The following ZNF804A variants were observed in gnomAD, a reference collection of about 807,000 sequenced individuals.
ZNF804A encodes zinc finger protein 804A.
Under a neutral mutation model 16.5 loss-of-function variants are expected in ZNF804A, and 2 were observed. The observed-to-expected ratio is 0.12, with a 90% confidence interval of 0.05 to 0.38. ZNF804A has a LOEUF of 0.38. Ranked by LOEUF, ZNF804A falls within the 10% of genes least tolerant of loss-of-function variation. The probability of loss-of-function intolerance (pLI) is 0.99; values close to 1 mark genes in which losing one functional copy is unlikely to be tolerated. For missense variants in ZNF804A, 1,473 were observed against 1,390.7 expected, an observed-to-expected ratio of 1.06 and a Z score of -0.94; for synonymous variants, 534 against 489.6, an observed-to-expected ratio of 1.09 and a Z score of -1.20.
intron 1 of ZNF804A, among the ~76,000 whole-genome samples, chr2:184,726,952 A>G (rs531831014): frequency 6.6e-6 from 1 of 151,748 alleles, no homozygotes; most frequent in African/African-American, 2.4e-5. Context: ...AGTAAAATTT[A>G]GAAGTTGAAT....
intron 1 of ZNF804A, among the ~76,000 whole-genome samples, chr2:184,713,372 A>G (rs1378434235): frequency 6.6e-6 from 1 of 151,918 alleles, no homozygotes; most frequent in African/African-American, 2.4e-5. Flanking sequence ...AGCTAAATTG[A>G]ATTTCATTTT....
chr2:184,897,469 AT>A (rs1026271480), intron 2 of ZNF804A, among the ~76,000 whole-genome samples: 1 of 139,398 alleles, frequency 7.2e-6, no homozygotes, highest in Admixed American at 7.3e-5. Flanking sequence ...TCCATACAGC[AT>A]TTTTTTTCCT....
chr2:184,678,719 G>C (rs1028419686), intron 1 of ZNF804A, among the ~76,000 whole-genome samples: 7 of 152,108 alleles, frequency 4.6e-5, no homozygotes, highest in African/African-American at 1.7e-4. Context: ...TAAATGTGTT[G>C]TCAAGAAAAA....
intron 1 of ZNF804A, among the ~76,000 whole-genome samples, chr2:184,837,559 G>A (rs1016223012): frequency 1.2e-4 from 18 of 151,930 alleles, no homozygotes; most frequent in African/African-American, 3.9e-4. Context: ...AGGCATAATT[G>A]CAGCAGTGAT....
At chr2:184,785,934 G>A (rs1048028757) in intron 1 of ZNF804A, among the ~76,000 whole-genome samples, 4 of 152,018 alleles carry the variant, frequency 2.6e-5, no homozygotes, top group Non-Finnish European at 4.4e-5. Flanking sequence ...GATGCAGCCA[G>A]CAGAATCTGG....
rs147937632 is a variant in ZNF804A, at chr2:184,764,273, G to A, written c.112-102096G>A. On this transcript the variant is annotated intron_variant, in intron 1 of 3. Coordinates refer to ENST00000302277, the MANE Select transcript of ZNF804A (RefSeq NM_194250.2). Reference sequence around the variant, plus strand: ...ATAGTCATGAAGCCATCTTTATGTGGGTTTATTTGAGAGAATATTTTGATT... The same window carrying A: ...ATAGTCATGAAGCCATCTTTATGTGAGTTTATTTGAGAGAATATTTTGATT... 7.2e-3 allele frequency among the ~76,000 whole-genome samples: 1,096 copies of A among 151,178 alleles called. 27 individuals carry two copies. The highest frequency in any genetic ancestry group is 0.05 in the Admixed American group (759 of 15,192).
At position 184,642,058 on chromosome 2, in the gene ZNF804A, C is replaced by A. The variant is rs144539073; in HGVS notation, c.111+42988C>A. On this transcript the variant is annotated intron_variant, in intron 1 of 3. Transcript: ENST00000302277. ...CACATGCACACATTTATGCACGTGA[C>A]CATGCACTCTTGATGTTTCTCATTC... Among the ~76,000 whole-genome samples the A allele has an allele frequency of 9.8e-3, 1,485 of 152,134 alleles. 27 individuals are homozygous for A. The highest frequency in any genetic ancestry group is 0.034 in the African/African-American group (1,410 of 41,510).
chr2:184,598,719 A>C lies in ZNF804A; in HGVS notation c.-241A>C. On this transcript the variant is annotated 5_prime_UTR_variant, in exon 1 of 4. Coordinates refer to ENST00000302277, the MANE Select transcript of ZNF804A (RefSeq NM_194250.2). ...CGCGGGGCTCGTCGTCCCGACGCGA[A>C]TCTGAGGAGAAACAGGAGCGAGAGA... The C allele has an allele frequency of 3.3e-6, 1 of 306,914 alleles. No homozygotes were observed. The highest frequency in any genetic ancestry group is 5.9e-6 in the Non-Finnish European group (1 of 169,174). The allele number at this position is 306,914 out of a possible 1,614,324, so 19.0% of individuals were successfully genotyped here.
intron 1 of ZNF804A, among the ~76,000 whole-genome samples, chr2:184,660,991 T>C (rs1445221894): frequency 6.6e-6 from 1 of 152,250 alleles, no homozygotes; most frequent in Non-Finnish European, 1.5e-5. Flanking sequence ...TGAACTAATA[T>C]GTTTTTCTAA....
chr2:184,768,607 T>C (rs985061119), intron 1 of ZNF804A, among the ~76,000 whole-genome samples: 18 of 152,014 alleles, frequency 1.2e-4, no homozygotes, highest in Non-Finnish European at 2.5e-4. Flanking sequence ...AATACAGTAT[T>C]TTTAAGAATT....
At chr2:184,784,061 A>C (rs927226762) in intron 1 of ZNF804A, among the ~76,000 whole-genome samples, 14 of 151,962 alleles carry the variant, frequency 9.2e-5, no homozygotes, top group Non-Finnish European at 2.9e-5. Flanking sequence ...GAAAACATCC[A>C]GTTTGGTTAT....
At chr2:184,853,440 T>A (rs7578316) in intron 1 of ZNF804A, among the ~76,000 whole-genome samples, 48,589 of 151,666 alleles carry the variant, frequency 0.32, 10,564 homozygotes, top group African/African-American at 0.62. Context: ...TGTTGAACAG[T>A]TGTGGTAGGA....
Position 184,851,548 on chromosome 2 carries a change from G to A in ZNF804A, c.112-14821G>A, listed in dbSNP as rs189776526. 4.3e-3 allele frequency among the ~76,000 whole-genome samples: 646 copies of A among 151,874 alleles called. 5 individuals are homozygous for A. The highest frequency in any genetic ancestry group is 0.015 in the African/African-American group (606 of 41,504). On this transcript the variant is annotated intron_variant, in intron 1 of 3. Coordinates refer to ENST00000302277, the MANE Select transcript of ZNF804A (RefSeq NM_194250.2). Reference sequence around the variant, plus strand: ...TTAAAGAGTGATAGCATTCCACTGCGCATATATACACAACACATTGTCTTT... The same window carrying A: ...TTAAAGAGTGATAGCATTCCACTGCACATATATACACAACACATTGTCTTT...
In ZNF804A at chr2:184,671,697, C is replaced by T. The variant is rs189500629; in HGVS notation, c.111+72627C>T. ...AATTATTTTGATATCCATATGCTGC[C>T]ACTGTTTTGTCAATTGATTGATAAG... is the stretch of plus-strand genomic sequence containing the variant. On this transcript the variant is annotated intron_variant, in intron 1 of 3. Transcript: ENST00000302277. Among the ~76,000 whole-genome samples the T allele has an allele frequency of 3.9e-5, 6 of 152,214 alleles. No individual in the cohort carries two copies. The East Asian group carries it at 1.2e-3, about 29-fold the overall frequency.
chr2:184,905,921 T>A (rs1012850432), intron 2 of ZNF804A, among the ~76,000 whole-genome samples: 3 of 152,208 alleles, frequency 2.0e-5, no homozygotes, highest in African/African-American at 7.2e-5. Flanking sequence ...AGATTCAGTG[T>A]TCTGGACTGC....
chr2:184,782,708 T>C (rs1166709311), intron 1 of ZNF804A, among the ~76,000 whole-genome samples: 2 of 149,378 alleles, frequency 1.3e-5, no homozygotes, highest in Admixed American at 6.8e-5. Flanking sequence ...TATATATATA[T>C]ATATCCTCTT....
chr2:184,815,327 A>G (rs1694966175), intron 1 of ZNF804A, among the ~76,000 whole-genome samples: 2 of 152,026 alleles, frequency 1.3e-5, no homozygotes, highest in Non-Finnish European at 2.9e-5. Flanking sequence ...TACTAAAAAT[A>G]AAGCCCTCAC....
At position 184,866,484 on chromosome 2, in the gene ZNF804A, T is replaced by G. The variant is rs1695878740; in HGVS notation, c.227T>G (p.Ile76Ser). The change falls in exon 2 of 4, where the codon ATT becomes AGT. Residue 76 changes from isoleucine to serine, a missense_variant. Ile to Ser is a moderately radical substitution (Grantham distance 142, BLOSUM62 -2). Transcript: ENST00000302277. ...YYKHQEFDNH[I>S]NSYDHAHKQR... ...AAGCACCAGGAGTTTGACAATCACA[T>G]TAATTCATATGACCATGCTCACAAG... 2 of 1,611,164 alleles carry G rather than the reference T, an allele frequency of 1.2e-6. No homozygotes were observed. Among genetic ancestry groups the G allele is most frequent in the South Asian group, 2.2e-5 (2 of 90,664 alleles).
intron 1 of ZNF804A, among the ~76,000 whole-genome samples, chr2:184,643,437 A>C (rs1016120007): frequency 1.1e-4 from 16 of 151,958 alleles, no homozygotes; most frequent in African/African-American, 3.6e-4. Flanking sequence ...TTGCTTTGAA[A>C]AATTAAAAAG....
Sources: gnomAD v4.1 joint callset for allele counts (sites outside exome capture counted in the v4.1 genomes callset) on GRCh38, gnomAD v4.1.1 for gene constraint, MANE v1.5 for transcripts, NCBI Gene and HGNC (gene_info 2026-07-23, HGNC 2026-07-21) for gene names.